EPHB1: variants seen among roughly 807,000 people sequenced by gnomAD.
The protein encoded by EPHB1 is ephrin type-B receptor 1.
Under a neutral mutation model 94.4 loss-of-function variants are expected in EPHB1, and 30 were observed. The ratio of observed to expected loss-of-function variants is 0.32; its 90% CI spans 0.24 to 0.43. The LOEUF is 0.43. EPHB1 is among the 20% of genes least tolerant of loss of function. The pLI, the probability that EPHB1 is intolerant of heterozygous loss-of-function variation, is 1.00. For synonymous variants in EPHB1, 522 were observed against 489.1 expected (o/e 1.07, Z -0.89); for missense variants, 1,055 against 1,308.3 (o/e 0.81, Z 2.99).
chr3:135,010,351 T>A (rs1452008956), intron 3 of EPHB1, among the ~76,000 whole-genome samples: 1 of 152,160 alleles, frequency 6.6e-6, no homozygotes, highest in Non-Finnish European at 1.5e-5. Context: ...TGTGTAGCTG[T>A]TACATTCTGT....
chr3:134,947,922 C>T (rs1486900245), intron 2 of EPHB1, among the ~76,000 whole-genome samples: 1 of 152,176 alleles, frequency 6.6e-6, no homozygotes, highest in African/African-American at 2.4e-5. Flanking sequence ...TCCTGAATAG[C>T]TGGTTCTACA....
chr3:135,094,890 C>T (rs765482297), intron 3 of EPHB1, among the ~76,000 whole-genome samples: 3 of 152,214 alleles, frequency 2.0e-5, no homozygotes, highest in Non-Finnish European at 4.4e-5. Context: ...TTCCAAAGTC[C>T]AGAAGGCTCT....
chr3:134,962,321 G>A (rs140787704), intron 3 of EPHB1, among the ~76,000 whole-genome samples: 17 of 152,232 alleles, frequency 1.1e-4, no homozygotes, highest in Middle Eastern at 3.4e-3. Context: ...CAGGTGGTTC[G>A]GGTATGGTCT....
intron 4 of EPHB1, among the ~76,000 whole-genome samples, chr3:135,123,024 C>A (rs993399334): frequency 1.3e-5 from 2 of 152,132 alleles, no homozygotes; most frequent in African/African-American, 4.8e-5. Context: ...GGGACAGGAG[C>A]TTTTTCCTGC....
intron 9 of EPHB1, among the ~76,000 whole-genome samples, chr3:135,169,269 C>A (rs987650250): frequency 1.3e-5 from 2 of 152,138 alleles, no homozygotes. Context: ...GCTGAAAGAA[C>A]ATTGTTGGCC....
rs141415752 is a variant in EPHB1, at chr3:134,835,424, G to A, written c.58+39735G>A. ...TTGGTAGTGAGGAACACAGGCATAT[G>A]CACATGTGAACATGACATTTACTGA... is the stretch of plus-strand genomic sequence containing the variant. On this transcript the variant is annotated intron_variant, in intron 1 of 15. Transcript: ENST00000398015. 6.0e-3 allele frequency among the ~76,000 whole-genome samples: 917 copies of A among 152,318 alleles called. 10 individuals carry two copies. Among genetic ancestry groups the A allele is most frequent in the South Asian group, 0.032 (155 of 4,830 alleles).
At chr3:135,045,265 G>GA (rs1036747147) in intron 3 of EPHB1, among the ~76,000 whole-genome samples, 24 of 151,216 alleles carry the variant, frequency 1.6e-4, no homozygotes, top group South Asian at 4.2e-4. Context: ...ACCAGTCACT[G>GA]AAAAAAAAGA....
chr3:135,059,505 G>A (rs1462873221), intron 3 of EPHB1, among the ~76,000 whole-genome samples: 1 of 152,178 alleles, frequency 6.6e-6, no homozygotes, highest in Non-Finnish European at 1.5e-5. Flanking sequence ...GGGAGGGAAA[G>A]GCAGGAGAAT....
rs886909332 is a variant in EPHB1 at position 135,259,280 on chromosome 3, C to A, written c.*160C>A. 1.9e-6 allele frequency: 1 copy of A among 533,528 alleles called. No individual in the cohort carries two copies. Among genetic ancestry groups the A allele is most frequent in the Non-Finnish European group, 3.3e-6 (1 of 303,446 alleles). 33.0% of individuals were successfully genotyped at this position (533,528 alleles called of 1,614,324 possible). On this transcript the variant is annotated 3_prime_UTR_variant, in exon 16 of 16. Transcript: ENST00000398015. Reference sequence around the variant, plus strand: ...ACCGGACCTGTTGCTAGCAGGCAATCTCCATTTCTCAGTGACAGAAGCATG... The same window carrying A: ...ACCGGACCTGTTGCTAGCAGGCAATATCCATTTCTCAGTGACAGAAGCATG...
intron 3 of EPHB1, among the ~76,000 whole-genome samples, chr3:134,981,640 T>C (rs1261406761): frequency 6.6e-6 from 1 of 152,242 alleles, no homozygotes; most frequent in East Asian, 1.9e-4. Flanking sequence ...CTTCTTCACA[T>C]TTTTATTTCT....
chr3:134,874,826 G>A (rs1429245754), intron 1 of EPHB1, among the ~76,000 whole-genome samples: 2 of 152,200 alleles, frequency 1.3e-5, no homozygotes, highest in Non-Finnish European at 2.9e-5. Context: ...CATGATTGTA[G>A]TTACCCGATG....
chr3:135,156,140 T>C (rs1051393055), intron 6 of EPHB1, among the ~76,000 whole-genome samples: 2 of 151,866 alleles, frequency 1.3e-5, no homozygotes, highest in Admixed American at 1.3e-4. Context: ...GGGTAGAGCA[T>C]ATCTGATGTG....
At chr3:134,982,537 C>G (rs1312855334) in intron 3 of EPHB1, among the ~76,000 whole-genome samples, 7 of 152,290 alleles carry the variant, frequency 4.6e-5, no homozygotes, top group Admixed American at 4.6e-4. Flanking sequence ...ATCATCAGCT[C>G]TGTCCCTCAG....
chr3:135,167,127 C>T, intron 9 of EPHB1, 121 bp downstream of exon 9: 1 of 1,163,166 alleles, frequency 8.6e-7, no homozygotes, highest in South Asian at 1.4e-5. Context: ...CTCTCTCAGC[C>T]CCCAGTGCCT....
At chr3:135,164,825 AAAAAG>A (rs1941606038) in intron 7 of EPHB1, among the ~76,000 whole-genome samples, 1 of 151,794 alleles carries the variant, frequency 6.6e-6, no homozygotes, top group African/African-American at 2.4e-5. Context: ...AAAAAAAAAA[AAAAAG>A]AAGTATTGTC....
intron 1 of EPHB1, among the ~76,000 whole-genome samples, chr3:134,861,231 G>C (rs2037250239): frequency 6.6e-6 from 1 of 152,050 alleles, no homozygotes. Flanking sequence ...GAGATGTCAA[G>C]TAGAAAGAAG....
intron 3 of EPHB1, among the ~76,000 whole-genome samples, chr3:135,079,676 G>T (rs887652544): frequency 6.6e-6 from 1 of 152,032 alleles, no homozygotes. Flanking sequence ...TTATTCCAAA[G>T]GCCTCGTTAT....
intron 1 of EPHB1, among the ~76,000 whole-genome samples, chr3:134,809,575 A>G (rs996714284): frequency 8.5e-5 from 13 of 152,196 alleles, no homozygotes; most frequent in Admixed American, 1.3e-4. Flanking sequence ...CTTAGCAACT[A>G]TCATGCCCTC....
intron 12 of EPHB1, among the ~76,000 whole-genome samples, chr3:135,220,519 C>G (rs1308998216): frequency 6.6e-6 from 1 of 150,854 alleles, no homozygotes; most frequent in African/African-American, 2.4e-5. Flanking sequence ...GAGAAAAGCT[C>G]AAAGCCATGG....
Sources: gnomAD v4.1 joint callset for allele counts (sites outside exome capture counted in the v4.1 genomes callset) on GRCh38, gnomAD v4.1.1 for gene constraint, MANE v1.5 for transcripts, NCBI Gene and HGNC (gene_info 2026-07-23, HGNC 2026-07-21) for gene names.